Variants in JAK2 observed in about 807,000 individuals in gnomAD.
The protein encoded by JAK2 is tyrosine-protein kinase JAK2.
JAK2 carries 86 observed loss-of-function variants against 139.3 expected under a neutral mutation model. The observed-to-expected ratio is 0.62, with a 90% CI of 0.52 to 0.74. The LOEUF (loss-of-function observed/expected upper bound fraction) is 0.74. Ranked by LOEUF, JAK2 falls within the 30% of genes least tolerant of loss-of-function variation. JAK2 has a pLI of 0.00. For missense variants in JAK2, 1,421 were observed against 1,360.3 expected, an observed-to-expected ratio of 1.04 and a Z score of -0.70; for synonymous variants, 490 against 437.7, an observed-to-expected ratio of 1.12 and a Z score of -1.49.
intron 22 of JAK2, among the ~76,000 whole-genome samples, chr9:5,101,711 G>T (rs572877565): frequency 4.7e-4 from 72 of 152,318 alleles, no homozygotes; most frequent in African/African-American, 1.6e-3. Context: ...TGGCTGTTCT[G>T]CAATATTTGC....
rs546759876 is a variant in JAK2, at chr9:5,104,879, C to G, written c.3059+13968C>G. 7.9e-5 allele frequency among the ~76,000 whole-genome samples: 12 copies of G among 152,280 alleles called. No homozygotes were observed. The East Asian group carries it at 1.9e-3, about 24-fold the overall frequency. ...TACAGCCCTTCATGCCAAAAACTCT[C>G]AATAAACTAGGTATTGATGGAATGT... is the stretch of plus-strand genomic sequence containing the variant. On this transcript the variant is annotated intron_variant, in intron 22 of 24. Coordinates refer to ENST00000381652, the MANE Select transcript of JAK2 (RefSeq NM_004972.4).
chr9:5,129,867 G>A lies in JAK2; in HGVS notation c.*3076G>A, dbSNP rs1433260346. ...TCAGATTCTTAGTAAAATGCAGACT[G>A]TATACCTAAATATTAAAATATTTAC... On this transcript the variant is annotated 3_prime_UTR_variant, in exon 25 of 25. Transcript: ENST00000381652. 6.6e-6 allele frequency among the ~76,000 whole-genome samples: 1 copy of A among 152,084 alleles called. No homozygotes were observed. The highest frequency in any genetic ancestry group is 1.9e-4 in the East Asian group (1 of 5,208).
In JAK2 at chr9:5,019,366, C is replaced by G. The variant is rs563681123; in HGVS notation, c.-25-2597C>G. 2.0e-5 allele frequency among the ~76,000 whole-genome samples: 3 copies of G among 152,102 alleles called. No individual in the cohort carries two copies. In the East Asian group the frequency reaches 5.8e-4, roughly 29 times the overall value. ...TTTCATTAAATGAATTCTTCAGTTT[C>G]AGGGTTTCTTGTTTTCTTTTTAAAT... On this transcript the variant is annotated intron_variant, in intron 2 of 24. Coordinates refer to ENST00000381652, the MANE Select transcript of JAK2 (RefSeq NM_004972.4).
intron 16 of JAK2, 50 bp from the exon 17 acceptor site, chr9:5,080,179 T>A (rs1819587228): frequency 7.5e-7 from 1 of 1,325,224 alleles, no homozygotes; most frequent in Non-Finnish European, 1.0e-6. Context: ...TATAAAAGAT[T>A]GGTTTACTTG....
intron 2 of JAK2, among the ~76,000 whole-genome samples, chr9:5,020,081 G>A (rs957241424): frequency 6.6e-6 from 1 of 152,152 alleles, no homozygotes; most frequent in African/African-American, 2.4e-5. Flanking sequence ...GGGTCCACAG[G>A]CCCCTGGGCA....
intron 2 of JAK2, among the ~76,000 whole-genome samples, chr9:5,005,099 T>G (rs1388414486): frequency 2.0e-4 from 4 of 20,064 alleles, no homozygotes; most frequent in South Asian, 1.6e-3. Context: ...TTTTTTTTTT[T>G]TTTTTTTTTT....
intron 22 of JAK2, among the ~76,000 whole-genome samples, chr9:5,093,548 A>G (rs1563997615): frequency 6.6e-6 from 1 of 152,214 alleles, no homozygotes; most frequent in Non-Finnish European, 1.5e-5. Context: ...ACTTTAATTC[A>G]TTAATGCAAA....
At chr9:4,989,745 A>G (rs1205566260) in intron 2 of JAK2, among the ~76,000 whole-genome samples, 1 of 152,220 alleles carries the variant, frequency 6.6e-6, no homozygotes, top group Admixed American at 6.5e-5. Context: ...GGGGGTAAGC[A>G]AAGGCAAAAT....
chr9:5,091,361 G>A (rs950675592), intron 22 of JAK2: 5 of 152,820 alleles, frequency 3.3e-5, no homozygotes, highest in African/African-American at 4.8e-5. Context: ...GATATTTGAG[G>A]GGCCTTATTA....
chr9:5,078,268 G>C (rs2130588909), intron 15 of JAK2, 38 bp from the exon 16 acceptor site: 1 of 1,573,594 alleles, frequency 6.4e-7, no homozygotes, highest in Non-Finnish European at 8.7e-7. Flanking sequence ...AGTACTTGTG[G>C]ACTGATATTT....
At chr9:5,033,642 G>C (rs894773301) in intron 4 of JAK2, among the ~76,000 whole-genome samples, 2 of 152,172 alleles carry the variant, frequency 1.3e-5, no homozygotes, top group Admixed American at 6.5e-5. Context: ...GCCAAACTAA[G>C]CTTCATATGT....
At chr9:5,003,543 C>T (rs1821064747) in intron 2 of JAK2, among the ~76,000 whole-genome samples, 1 of 151,926 alleles carries the variant, frequency 6.6e-6, no homozygotes, top group African/African-American at 2.4e-5. Context: ...TACAGAAATG[C>T]AGTTGATTTT....
At chr9:5,044,326 G>C in intron 4 of JAK2, 77 bp from the exon 5 acceptor site, 1 of 846,040 alleles carries the variant, frequency 1.2e-6, no homozygotes, top group South Asian at 1.4e-5. Flanking sequence ...TCAGTATGCT[G>C]TAGGTGACTA....
rs551219457 is a variant in JAK2, at chr9:5,069,966, G to T, written c.1555G>T (p.Asp519Tyr). 1 of 1,606,782 alleles carries T rather than the reference G, an allele frequency of 6.2e-7. No individual in the cohort carries two copies. Among genetic ancestry groups the T allele is most frequent in the South Asian group, 1.1e-5 (1 of 90,348 alleles). Residue 519 changes from aspartate (D) to tyrosine (Y), a missense_variant, in exon 12 of 25, where the codon GAT (aspartate) becomes TAT (tyrosine). Transcript: ENST00000381652. Reference protein sequence around the residue: ...LLVFRTNGVSDVPTSPTLQRP... With the variant: ...LLVFRTNGVSYVPTSPTLQRP... The stretch of plus-strand genomic sequence containing the variant: ...AGTCTTCAGAACGAATGGTGTTTCT[G>T]ATGTACCAACCTCACCAACATTACA...
At chr9:5,056,267 C>T (rs1010861249) in intron 8 of JAK2, among the ~76,000 whole-genome samples, 15 of 152,044 alleles carry the variant, frequency 9.9e-5, no homozygotes, top group Non-Finnish European at 7.4e-5. Context: ...AAAAGATTAA[C>T]GCTTTCTCTT....
At chr9:5,097,570 T>C (rs1821102480) in intron 22 of JAK2, 1 of 152,214 alleles carries the variant, frequency 6.6e-6, no homozygotes, top group African/African-American at 2.4e-5. Flanking sequence ...CACATGAGCA[T>C]ACTTCACCTC....
chr9:5,052,216 A>T (rs1399315208), intron 6 of JAK2, among the ~76,000 whole-genome samples: 1 of 152,106 alleles, frequency 6.6e-6, no homozygotes, highest in East Asian at 1.9e-4. Flanking sequence ...CTGTCATCCA[A>T]AGTCTTGGCA....
intron 22 of JAK2, among the ~76,000 whole-genome samples, chr9:5,121,886 A>G (rs1181794360): frequency 1.3e-5 from 2 of 152,178 alleles, no homozygotes; most frequent in Non-Finnish European, 2.9e-5. Flanking sequence ...GAGGAAGAGC[A>G]TATTTTGCAA....
At chr9:5,080,944 G>A (rs1041006810) in intron 18 of JAK2, among the ~76,000 whole-genome samples, 3 of 134,394 alleles carry the variant, frequency 2.2e-5, no homozygotes, top group African/African-American at 8.4e-5. Flanking sequence ...CGCCCAGGCT[G>A]GAGTGCAGTG....
Sources: gnomAD v4.1 joint callset for allele counts (sites outside exome capture counted in the v4.1 genomes callset) on GRCh38, gnomAD v4.1.1 for gene constraint, MANE v1.5 for transcripts, NCBI Gene and HGNC (gene_info 2026-07-23, HGNC 2026-07-21) for gene names.